Variants in PPP2R2C observed in about 807,000 individuals in gnomAD.
The protein encoded by PPP2R2C is protein phosphatase 2 regulatory subunit Bgamma, also known as protein phosphatase 2, regulatory subunit B, gamma.
A neutral mutation model predicts 45.3 loss-of-function variants in PPP2R2C; 10 were observed. The ratio of observed to expected loss-of-function variants is 0.22; its 90% CI spans 0.14 to 0.37. PPP2R2C has a LOEUF of 0.37. PPP2R2C is among the 10% of genes least tolerant of loss of function. The probability of loss-of-function intolerance (pLI) is 1.00; values close to 1 mark genes in which losing one functional copy is unlikely to be tolerated. For missense variants in PPP2R2C, 308 were observed against 619.7 expected, an observed-to-expected ratio of 0.50 and a Z score of 5.34; for synonymous variants, 257 against 245.4, an observed-to-expected ratio of 1.05 and a Z score of -0.44.
At chr4:6,509,639 G>T (rs924949209) in intron 2 of PPP2R2C, among the ~76,000 whole-genome samples, 1 of 152,170 alleles carries the variant, frequency 6.6e-6, no homozygotes, top group Non-Finnish European at 1.5e-5. Context: ...CCCTTTCAGA[G>T]AGCTCAACCC....
At chr4:6,369,215 C>T (rs981404555) in intron 5 of PPP2R2C, among the ~76,000 whole-genome samples, 2 of 152,198 alleles carry the variant, frequency 1.3e-5, no homozygotes, top group African/African-American at 4.8e-5. Flanking sequence ...TGTCGCTCCT[C>T]AGTCACCAAG....
chr4:6,349,036 T>C (rs1360078604), intron 5 of PPP2R2C: 1 of 985,164 alleles, frequency 1.0e-6, no homozygotes, highest in Non-Finnish European at 1.2e-6. Flanking sequence ...ACCTGCTCTT[T>C]TCCTATCCCT....
At chr4:6,534,749 C>G (rs6446511) in intron 2 of PPP2R2C, among the ~76,000 whole-genome samples, 2 of 152,022 alleles carry the variant, frequency 1.3e-5, no homozygotes, top group African/African-American at 4.8e-5. Context: ...GACAACCCCG[C>G]CTCCGCATGG....
chr4:6,384,424 AAT>A, intron 1 of PPP2R2C: 4 of 984,622 alleles, frequency 4.1e-6, no homozygotes, highest in Non-Finnish European at 4.8e-6. Flanking sequence ...GGAACAAAAT[AAT>A]ATTTCCTCCT....
rs1404349052 is a variant in PPP2R2C, at chr4:6,368,199, T to C, written c.625+4324A>G. On this transcript the variant is annotated intron_variant, in intron 5 of 8. Coordinates refer to ENST00000382599, the MANE Select transcript of PPP2R2C (RefSeq NM_020416.4). The surrounding 1 kb of genome is among the most constrained non-coding windows in gnomAD (Gnocchi z 4.2). ...TATTTTCACTCTCTTGCACACACCATCAGCTCCGTGTCTACATCCTCACTT... is the reference window on the plus strand; with the variant it reads ...TATTTTCACTCTCTTGCACACACCACCAGCTCCGTGTCTACATCCTCACTT... Among the ~76,000 whole-genome samples, 1 of 152,100 alleles carries C rather than the reference T, an allele frequency of 6.6e-6. No homozygotes were observed. The highest frequency in any genetic ancestry group is 1.5e-5 in the Non-Finnish European group (1 of 68,014).
chr4:6,428,346 C>T (rs1719444595), intron 1 of PPP2R2C, among the ~76,000 whole-genome samples: 1 of 152,206 alleles, frequency 6.6e-6, no homozygotes, highest in Admixed American at 6.5e-5. Flanking sequence ...CTGCTCACCG[C>T]AAGAAGCCAG....
intron 1 of PPP2R2C, chr4:6,383,705 T>C (rs1284417608): frequency 1.5e-6 from 1 of 687,456 alleles, no homozygotes; most frequent in African/African-American, 1.9e-5. Flanking sequence ...TTTCTTTCTG[T>C]AAAGGCTTTT....
intron 2 of PPP2R2C, among the ~76,000 whole-genome samples, chr4:6,492,385 C>T (rs781190316): frequency 2.6e-5 from 4 of 152,338 alleles, no homozygotes; most frequent in Non-Finnish European, 4.4e-5. Context: ...TGTCCAGGGT[C>T]GTGGTGCTGA....
chr4:6,511,351 G>A (rs1723456544), intron 2 of PPP2R2C, among the ~76,000 whole-genome samples: 1 of 147,262 alleles, frequency 6.8e-6, no homozygotes. Context: ...GATAACTACA[G>A]TGATGGTAAT....
At chr4:6,525,112 A>G (rs1724155146) in intron 2 of PPP2R2C, among the ~76,000 whole-genome samples, 1 of 151,788 alleles carries the variant, frequency 6.6e-6, no homozygotes, top group South Asian at 2.1e-4. Flanking sequence ...AAAATAAACA[A>G]TAAAAATAAA....
intron 5 of PPP2R2C, among the ~76,000 whole-genome samples, chr4:6,353,069 C>A (rs951611899): frequency 1.3e-5 from 2 of 152,176 alleles, no homozygotes; most frequent in African/African-American, 4.8e-5. Flanking sequence ...TCAGAGAGAG[C>A]ACGGCCCTGC....
intron 1 of PPP2R2C, among the ~76,000 whole-genome samples, chr4:6,544,549 C>T: frequency 6.6e-6 from 1 of 152,068 alleles, no homozygotes. Flanking sequence ...GTTGCCCAGG[C>T]TGGTCTCTAA....
At chr4:6,554,389 C>G (rs1725291074) in intron 1 of PPP2R2C, among the ~76,000 whole-genome samples, 1 of 152,178 alleles carries the variant, frequency 6.6e-6, no homozygotes, top group Non-Finnish European at 1.5e-5. Context: ...TCTAATTCCT[C>G]CATAGAAACT....
At chr4:6,349,057 C>G in intron 5 of PPP2R2C, 1 of 985,444 alleles carries the variant, frequency 1.0e-6, no homozygotes. Flanking sequence ...TCCCTGCTGC[C>G]CAGCAGCAGA....
chr4:6,327,006 G>T (rs978336108), intron 8 of PPP2R2C, among the ~76,000 whole-genome samples: 1 of 152,226 alleles, frequency 6.6e-6, no homozygotes, highest in Admixed American at 6.5e-5. Flanking sequence ...AGCCTCTGAG[G>T]CCCTGGAAGG....
intron 1 of PPP2R2C, among the ~76,000 whole-genome samples, chr4:6,432,499 C>T (rs1413802111): frequency 1.3e-5 from 2 of 152,224 alleles, no homozygotes; most frequent in Admixed American, 6.5e-5. Flanking sequence ...ACCTGGAATT[C>T]CCTGAACACA....
chr4:6,381,063 G>A lies in PPP2R2C; in HGVS notation c.102C>T (p.His34=), dbSNP rs777507975. 31 of 1,595,126 alleles carry A rather than the reference G, an allele frequency of 1.9e-5. No individual in the cohort carries two copies. The highest frequency in any genetic ancestry group is 2.6e-5 in the Non-Finnish European group (30 of 1,168,838). ...ADIISTVEFN[H]TGELLATGDK... is the part of the protein sequence containing the mutation. ...CACCTGTGGCCAGCAGCTCTCCCGT[G>A]TGGTTGAACTCAACGGTAGAGATGA... The change falls in exon 2 of 9, where the codon CAC becomes CAT. Residue 34 remains histidine (H), a synonymous_variant. Transcript: ENST00000382599.
intron 1 of PPP2R2C, among the ~76,000 whole-genome samples, chr4:6,456,410 A>G (rs1404874738): frequency 6.6e-6 from 1 of 151,800 alleles, no homozygotes; most frequent in Non-Finnish European, 1.5e-5. Flanking sequence ...GCACCTTAAC[A>G]TACACACAAC....
At position 6,472,273 on chromosome 4, in the gene PPP2R2C, A is replaced by C; in HGVS notation, c.-44T>G. ...CTCTGGGCATGCCCCGCCGCCACACACCGATGCAATCCGCAGAGGTCGCGC... is the reference window on the plus strand; with the variant it reads ...CTCTGGGCATGCCCCGCCGCCACACCCCGATGCAATCCGCAGAGGTCGCGC... On this transcript the variant is annotated 5_prime_UTR_variant, in exon 1 of 9. Coordinates refer to ENST00000382599, the MANE Select transcript of PPP2R2C (RefSeq NM_020416.4). 6.2e-7 allele frequency: 1 copy of C among 1,609,888 alleles called. No homozygotes were observed. The highest frequency in any genetic ancestry group is 8.5e-7 in the Non-Finnish European group (1 of 1,178,060).
Sources: allele counts gnomAD v4.1 joint callset (sites outside exome capture counted in the v4.1 genomes callset), GRCh38; gene constraint gnomAD v4.1.1; non-coding constraint Gnocchi (gnomAD v3.1); transcripts MANE v1.5; gene names NCBI Gene and HGNC (gene_info 2026-07-23, HGNC 2026-07-21).